Variants in IL1RAPL2 observed in about 807,000 individuals in gnomAD.
The protein encoded by IL1RAPL2 is interleukin 1 receptor accessory protein like 2.
In IL1RAPL2, 3 loss-of-function variants were observed where a neutral mutation model predicts 44.1. The observed-to-expected ratio is 0.07, with a 90% confidence interval of 0.03 to 0.18. IL1RAPL2 has a LOEUF of 0.18. Among genes scored for constraint, IL1RAPL2 ranks in the 10% least tolerant of loss-of-function variants. The pLI, the probability that IL1RAPL2 is intolerant of heterozygous loss-of-function variation, is 1.00. For synonymous variants in IL1RAPL2, 181 were observed against 178.8 expected (o/e 1.01, Z -0.10); for missense variants, 391 against 496.4 (o/e 0.79, Z 2.02).
chrX:105,354,377 T>G (rs1405897620), intron 5 of IL1RAPL2, among the ~76,000 whole-genome samples: 1 of 108,199 alleles, frequency 9.2e-6, no homozygotes, highest in Non-Finnish European at 1.9e-5. Flanking sequence ...CTGGAAACCA[T>G]CATTCTCAGC....
intron 2 of IL1RAPL2, among the ~76,000 whole-genome samples, chrX:105,044,721 C>T (rs1263084538): frequency 9.0e-6 from 1 of 111,674 alleles, no homozygotes; most frequent in African/African-American, 3.3e-5. Flanking sequence ...CTTTCCCACA[C>T]TGTACTCCCA....
At chrX:104,931,937 G>A (rs1053621395) in intron 2 of IL1RAPL2, among the ~76,000 whole-genome samples, 1 of 101,269 alleles carries the variant, frequency 9.9e-6, no homozygotes, top group Non-Finnish European at 2.0e-5. Context: ...CAGATATGTG[G>A]GAAACTATGA....
intron 6 of IL1RAPL2, among the ~76,000 whole-genome samples, chrX:105,507,309 A>T (rs759438759): frequency 1.1e-4 from 12 of 112,177 alleles, no homozygotes; most frequent in Non-Finnish European, 2.3e-4. Context: ...TTTTCAGGGT[A>T]TGCCATTGCA....
At chrX:105,399,578 G>A (rs1054275623) in intron 5 of IL1RAPL2, among the ~76,000 whole-genome samples, 2 of 111,146 alleles carry the variant, frequency 1.8e-5, no homozygotes, top group African/African-American at 6.5e-5. Flanking sequence ...CTGACACAAA[G>A]TCTGGCATAT....
At chrX:105,358,048 A>G (rs950430422) in intron 5 of IL1RAPL2, among the ~76,000 whole-genome samples, 3,275 of 102,488 alleles carry the variant, frequency 0.032, 175 homozygotes, top group African/African-American at 0.12. Flanking sequence ...AAAAAAAAAA[A>G]AAAAAAAAAA....
intron 2 of IL1RAPL2, among the ~76,000 whole-genome samples, chrX:104,933,605 C>A (rs1228544169): frequency 9.0e-6 from 1 of 111,266 alleles, no homozygotes; most frequent in Non-Finnish European, 1.9e-5. Context: ...GAGCAAAGAA[C>A]CTTGGTAGGA....
chrX:105,337,841 A>C (rs2035040462), intron 5 of IL1RAPL2, among the ~76,000 whole-genome samples: 1 of 111,016 alleles, frequency 9.0e-6, no homozygotes, highest in Non-Finnish European at 1.9e-5. Context: ...CAGTGAGCCG[A>C]GATCGCGCCA....
At chrX:105,737,850 C>T (rs1295174486) in intron 7 of IL1RAPL2, among the ~76,000 whole-genome samples, 1 of 111,526 alleles carries the variant, frequency 9.0e-6, no homozygotes, top group Non-Finnish European at 1.9e-5. Context: ...CCAATTTTGT[C>T]TTGGTTAGGT....
intron 2 of IL1RAPL2, among the ~76,000 whole-genome samples, chrX:104,739,806 C>T (rs1244985276): frequency 9.0e-6 from 1 of 111,591 alleles, no homozygotes; most frequent in Non-Finnish European, 1.9e-5. Context: ...GATACTATAC[C>T]CCTAATTTTT....
At chrX:105,377,571 A>G (rs1193849640) in intron 5 of IL1RAPL2, among the ~76,000 whole-genome samples, 1 of 111,760 alleles carries the variant, frequency 8.9e-6, no homozygotes, top group Non-Finnish European at 1.9e-5. Flanking sequence ...AATTCTGTAC[A>G]TATTTATGAA....
intron 6 of IL1RAPL2, among the ~76,000 whole-genome samples, chrX:105,686,711 C>G (rs2037980978): frequency 9.0e-6 from 1 of 111,530 alleles, no homozygotes; most frequent in African/African-American, 3.3e-5. Context: ...CTCAGCTCTG[C>G]AACAAGCAGA....
At chrX:104,776,769 C>A (rs766201610) in intron 2 of IL1RAPL2, among the ~76,000 whole-genome samples, 13 of 111,508 alleles carry the variant, frequency 1.2e-4, no homozygotes, top group Non-Finnish European at 2.1e-4. Context: ...TCCCATATAC[C>A]CTACACCCAC....
chrX:104,649,122 T>A (rs747389366), intron 1 of IL1RAPL2, among the ~76,000 whole-genome samples: 2 of 111,036 alleles, frequency 1.8e-5, no homozygotes, highest in Non-Finnish European at 3.8e-5. Context: ...TCCCTTTCTG[T>A]GTCCTATCCA....
intron 3 of IL1RAPL2, among the ~76,000 whole-genome samples, chrX:105,205,022 A>G (rs1370882387): frequency 2.7e-5 from 3 of 111,641 alleles, no homozygotes; most frequent in Non-Finnish European, 5.6e-5. Context: ...TAGAGTTGGG[A>G]AAACATATAA....
At chrX:104,743,104 T>C (rs1016123058) in intron 2 of IL1RAPL2, among the ~76,000 whole-genome samples, 2 of 111,246 alleles carry the variant, frequency 1.8e-5, no homozygotes, top group African/African-American at 6.5e-5. Flanking sequence ...AGTTAAGCAG[T>C]AGCTGGTATG....
intron 2 of IL1RAPL2, among the ~76,000 whole-genome samples, chrX:105,150,627 T>C (rs73245757): frequency 0.04 from 4,512 of 111,945 alleles, 93 homozygotes; most frequent in Middle Eastern, 0.16. Flanking sequence ...AAGAACTAAG[T>C]GATTTGTCTT....
At chrX:104,716,942 A>G (rs1287155267) in intron 2 of IL1RAPL2, among the ~76,000 whole-genome samples, 1 of 112,003 alleles carries the variant, frequency 8.9e-6, no homozygotes, top group Admixed American at 9.4e-5. Flanking sequence ...AAGGAATAGA[A>G]ATCATTCTGT....
At chrX:104,708,431 A>T (rs1031936992) in intron 2 of IL1RAPL2, among the ~76,000 whole-genome samples, 1 of 110,619 alleles carries the variant, frequency 9.0e-6, no homozygotes, top group East Asian at 2.9e-4. Flanking sequence ...TTTTGATGAC[A>T]TTGCTTTCCA....
chrX:104,637,667 T>C (rs750693570), intron 1 of IL1RAPL2, among the ~76,000 whole-genome samples: 14 of 111,467 alleles, frequency 1.3e-4, no homozygotes, highest in African/African-American at 4.6e-4. Flanking sequence ...AAATCTCACT[T>C]GACGATGATG....
Sources: gnomAD v4.1 joint callset for allele counts (sites outside exome capture counted in the v4.1 genomes callset) on GRCh38, gnomAD v4.1.1 for gene constraint, MANE v1.5 for transcripts, NCBI Gene and HGNC (gene_info 2026-07-23, HGNC 2026-07-21) for gene names.